AVEN: variants seen among roughly 807,000 people sequenced by gnomAD.
AVEN encodes the protein apoptosis and caspase activation inhibitor, also known as cell death regulator Aven.
A neutral mutation model predicts 38.1 loss-of-function variants in AVEN; 41 were observed. The ratio of observed to expected loss-of-function variants is 1.08; its 90% confidence interval spans 0.84 to 1.40. The LOEUF (loss-of-function observed/expected upper bound fraction) is 1.40. AVEN is among the 40% of genes most tolerant of loss of function. The pLI is 0.00. For missense variants in AVEN, 605 were observed against 438.8 expected (o/e 1.38, Z -3.38); for synonymous variants, 206 against 171.8 (o/e 1.20, Z -1.56).
intron 2 of AVEN, among the ~76,000 whole-genome samples, chr15:33,934,826 T>C (rs1014300128): frequency 1.3e-5 from 2 of 152,232 alleles, no homozygotes; most frequent in African/African-American, 2.4e-5. Context: ...TTTCCAATTG[T>C]GTGACCTTGA....
chr15:33,899,577 C>T (rs1380165263), intron 2 of AVEN, among the ~76,000 whole-genome samples: 2 of 148,744 alleles, frequency 1.3e-5, no homozygotes, highest in Admixed American at 6.8e-5. Flanking sequence ...TCATGCCATT[C>T]TCCTGCTCAG....
At chr15:33,896,368 C>T (rs1892232900) in intron 2 of AVEN, among the ~76,000 whole-genome samples, 1 of 152,180 alleles carries the variant, frequency 6.6e-6, no homozygotes, top group Admixed American at 6.5e-5. Context: ...ATCTGGCACC[C>T]ATCGAATTCT....
chr15:33,865,522 G>C (rs966451655), downstream of AVEN: 5 of 327,056 alleles, frequency 1.5e-5, no homozygotes, highest in Non-Finnish European at 2.8e-5. Context: ...CAGTTTGTTG[G>C]GATGGAAGCA....
chr15:33,967,039 T>C (rs1401204556), intron 2 of AVEN, among the ~76,000 whole-genome samples: 3 of 152,110 alleles, frequency 2.0e-5, no homozygotes, highest in Non-Finnish European at 4.4e-5. Flanking sequence ...ATTATAGAAG[T>C]GACCAGTATA....
chr15:33,966,664 T>TGAGCC (rs58324527), intron 2 of AVEN, among the ~76,000 whole-genome samples: 1 of 151,900 alleles, frequency 6.6e-6, no homozygotes, highest in Non-Finnish European at 1.5e-5. Context: ...AAAGATGAGA[T>TGAGCC]AAGAGTGAGA....
rs957143153 is a variant in AVEN at position 33,868,351 on chromosome 15, G to C, written c.613-496C>G. On this transcript the variant is annotated intron_variant, in intron 4 of 5. Transcript: ENST00000306730. ...ATCCTGGCTAACATGGTGAAACCCT[G>C]TCTCTACTAAACAAACAAACAAACA... Among the ~76,000 whole-genome samples the C allele has an allele frequency of 2.7e-5, 4 of 150,740 alleles. No individual in the cohort carries two copies. In the South Asian group the frequency reaches 6.4e-4, roughly 24 times the overall value.
intron 2 of AVEN, among the ~76,000 whole-genome samples, chr15:33,931,472 G>A (rs367929307): frequency 0.01 from 1,451 of 143,042 alleles, 22 homozygotes; most frequent in African/African-American, 0.036. Context: ...CTGGGTTCAC[G>A]CCATTCTCCT....
At chr15:33,873,305 G>A (rs1255797569) in intron 3 of AVEN, among the ~76,000 whole-genome samples, 4 of 150,010 alleles carry the variant, frequency 2.7e-5, no homozygotes, top group Middle Eastern at 3.2e-3. Context: ...TCACCATGTT[G>A]GCCAGGCTGG....
intron 2 of AVEN, among the ~76,000 whole-genome samples, chr15:33,952,863 A>G (rs1484675629): frequency 6.6e-6 from 1 of 152,046 alleles, no homozygotes; most frequent in Non-Finnish European, 1.5e-5. Flanking sequence ...AAAGAGAAAA[A>G]AAAAAAAAAA....
downstream of AVEN, among the ~76,000 whole-genome samples, chr15:33,862,488 T>G (rs1006062394): frequency 6.6e-6 from 1 of 152,200 alleles, no homozygotes; most frequent in African/African-American, 2.4e-5. Flanking sequence ...ATTACGGGTG[T>G]GAGCCACTGG....
chr15:33,959,059 T>A (rs981130117), intron 2 of AVEN, among the ~76,000 whole-genome samples: 1 of 152,206 alleles, frequency 6.6e-6, no homozygotes, highest in African/African-American at 2.4e-5. Context: ...ATGCCAAGCA[T>A]ATGCTTGCCT....
At chr15:34,069,526 T>A (rs1293655718) in intron 2 of AVEN, among the ~76,000 whole-genome samples, 1 of 152,202 alleles carries the variant, frequency 6.6e-6, no homozygotes, top group Non-Finnish European at 1.5e-5. Context: ...CATTTAATTG[T>A]TTTTGGGGGG....
At chr15:34,044,966 T>G (rs1373972486) in intron 5 of AVEN, among the ~76,000 whole-genome samples, 1 of 152,176 alleles carries the variant, frequency 6.6e-6, no homozygotes, top group African/African-American at 2.4e-5. Flanking sequence ...GAGAATGGCA[T>G]GAACCTGGGA....
chr15:33,887,949 C>T (rs77946158), intron 2 of AVEN, among the ~76,000 whole-genome samples: 4,980 of 152,192 alleles, frequency 0.033, 161 homozygotes, highest in Non-Finnish European at 0.039. Context: ...CCCAACAACA[C>T]CATCAGCAAT....
At chr15:33,965,955 T>C (rs1393880634) in intron 2 of AVEN, among the ~76,000 whole-genome samples, 4 of 152,010 alleles carry the variant, frequency 2.6e-5, no homozygotes, top group Non-Finnish European at 5.9e-5. Context: ...ACATCAGGAA[T>C]ACCAAGAGCA....
intron 2 of AVEN, among the ~76,000 whole-genome samples, chr15:33,999,410 T>G (rs891544733): frequency 6.6e-6 from 1 of 152,236 alleles, no homozygotes; most frequent in Non-Finnish European, 1.5e-5. Flanking sequence ...TGTCAAAGTG[T>G]TCAATTATAT....
chr15:33,862,089 T>C (rs931828720), downstream of AVEN, among the ~76,000 whole-genome samples: 2 of 152,082 alleles, frequency 1.3e-5, no homozygotes, highest in Non-Finnish European at 2.9e-5. Context: ...ATAGAGTGTA[T>C]AGATTTTATT....
Position 33,859,694 on chromosome 15 carries a change from C to G in AVEN, n.2730-600G>C, listed in dbSNP as rs1040889450. 1.2e-6 allele frequency: 2 copies of G among 1,612,958 alleles called. No individual in the cohort carries two copies. Among genetic ancestry groups the G allele is most frequent in the Admixed American group, 3.3e-5 (2 of 59,882 alleles). The stretch of plus-strand genomic sequence containing the variant: ...GCATTGTCTTTGACATTACCTTTTT[C>G]TTCTTCGTCATTGTCATCTTGCTGG... On this transcript the variant is annotated intron_variant and non_coding_transcript_variant, in intron 11 of 11. Transcript: ENST00000675287.
At chr15:34,040,090 C>T (rs1384782112), upstream of AVEN, among the ~76,000 whole-genome samples, 3 of 152,136 alleles carry the variant, frequency 2.0e-5, no homozygotes, top group East Asian at 5.8e-4. Flanking sequence ...TATATCCATA[C>T]ATAGTTAATA....
Sources: allele counts gnomAD v4.1 joint callset (sites outside exome capture counted in the v4.1 genomes callset), GRCh38; gene constraint gnomAD v4.1.1; transcripts MANE v1.5; gene names NCBI Gene and HGNC (gene_info 2026-07-23, HGNC 2026-07-21).